Variants in EYA2 observed in about 807,000 individuals in gnomAD.
EYA2 encodes protein phosphatase EYA2.
In EYA2, 31 loss-of-function variants were observed where a neutral mutation model predicts 69.2. That is an observed-to-expected ratio of 0.45 (90% CI 0.34 to 0.60). The LOEUF (loss-of-function observed/expected upper bound fraction) is 0.60. EYA2 is among the 20% of genes least tolerant of loss of function. The pLI, the probability that EYA2 is intolerant of heterozygous loss-of-function variation, is 0.02. For synonymous variants in EYA2, 257 were observed against 279.4 expected (o/e 0.92, Z 0.80); for missense variants, 622 against 701.2 (o/e 0.89, Z 1.28).
intron 9 of EYA2, among the ~76,000 whole-genome samples, chr20:47,124,639 G>A (rs1410415303): frequency 6.6e-6 from 1 of 152,056 alleles, no homozygotes; most frequent in Non-Finnish European, 1.5e-5. Flanking sequence ...AGTGACTCCT[G>A]TTAGGGTGAT....
chr20:46,905,077 A>C (rs921378653), intron 1 of EYA2, among the ~76,000 whole-genome samples: 1 of 152,200 alleles, frequency 6.6e-6, no homozygotes, highest in African/African-American at 2.4e-5. Context: ...TGAGAGTTAT[A>C]AATTAAAAAA....
intron 10 of EYA2, among the ~76,000 whole-genome samples, chr20:47,157,387 T>G: frequency 7.3e-6 from 1 of 137,316 alleles, no homozygotes; most frequent in South Asian, 2.4e-4. Context: ...AAAAGAGTAC[T>G]AAGTATCATA....
At chr20:47,134,534 G>A (rs2033413762) in intron 9 of EYA2, among the ~76,000 whole-genome samples, 1 of 151,520 alleles carries the variant, frequency 6.6e-6, no homozygotes, top group African/African-American at 2.4e-5. Flanking sequence ...TTTTTTACAT[G>A]GTCACAGTAA....
intron 8 of EYA2, among the ~76,000 whole-genome samples, chr20:47,093,053 C>T (rs1343194798): frequency 6.6e-6 from 1 of 152,182 alleles, no homozygotes; most frequent in African/African-American, 2.4e-5. Context: ...GCACTGGAAC[C>T]AGCAAGGGAG....
chr20:46,920,234 TA>T (rs11472988), intron 1 of EYA2, among the ~76,000 whole-genome samples: 11 of 149,296 alleles, frequency 7.4e-5, no homozygotes, highest in African/African-American at 2.2e-4. Context: ...TTAATTTGTT[TA>T]AAAAAAAAAA....
rs542199220 is a variant in EYA2, at chr20:47,089,602, T to G, written c.804+221T>G. ...AGCAGCATCAGAATCACCTGGGGGG[T>G]GGGGGATGGTGCTTTTGAAATCAGG... On this transcript the variant is annotated intron_variant, in intron 8 of 15. Coordinates refer to ENST00000327619, the MANE Select transcript of EYA2 (RefSeq NM_005244.5). Among the ~76,000 whole-genome samples the G allele has an allele frequency of 2.0e-4, 30 of 151,260 alleles. No homozygotes were observed. The South Asian group carries it at 6.3e-3, about 32-fold the overall frequency.
At chr20:47,008,183 T>C (rs1000392335) in intron 4 of EYA2, among the ~76,000 whole-genome samples, 5 of 152,224 alleles carry the variant, frequency 3.3e-5, no homozygotes, top group African/African-American at 1.2e-4. Context: ...GTCACTCACA[T>C]TGGTTTATTT....
intron 10 of EYA2, 83 bp downstream of exon 10, chr20:47,143,231 C>G: frequency 1.7e-6 from 2 of 1,177,752 alleles, no homozygotes; most frequent in South Asian, 3.1e-5. Flanking sequence ...GCTGCCTTTC[C>G]TTTCTTTTTC....
intron 10 of EYA2, among the ~76,000 whole-genome samples, chr20:47,144,352 C>CAAA (rs11304780): frequency 8.6e-6 from 1 of 116,388 alleles, no homozygotes; most frequent in Non-Finnish European, 1.9e-5. Flanking sequence ...AAGACACCAT[C>CAAA]AAAAAAAAAA....
intron 1 of EYA2, among the ~76,000 whole-genome samples, chr20:46,989,554 A>G (rs1404774633): frequency 1.3e-5 from 2 of 152,210 alleles, no homozygotes; most frequent in African/African-American, 2.4e-5. Flanking sequence ...GGCATGTGCC[A>G]CCACACCCGG....
intron 9 of EYA2, among the ~76,000 whole-genome samples, chr20:47,137,306 G>A (rs1490952407): frequency 6.6e-6 from 1 of 152,136 alleles, no homozygotes; most frequent in Non-Finnish European, 1.5e-5. Flanking sequence ...TGCTGGGTTC[G>A]CAGAAACGAT....
chr20:47,060,840 GCT>G (rs1044105821), intron 5 of EYA2, among the ~76,000 whole-genome samples: 4 of 143,344 alleles, frequency 2.8e-5, no homozygotes, highest in Admixed American at 7.1e-5. Context: ...TTCATCAATC[GCT>G]CTCTCTCTCT....
chr20:47,002,962 T>G (rs1197588688), intron 3 of EYA2, among the ~76,000 whole-genome samples: 1 of 152,208 alleles, frequency 6.6e-6, no homozygotes, highest in African/African-American at 2.4e-5. Context: ...ACTTTTGCAT[T>G]CACCTGCTGT....
intron 5 of EYA2, among the ~76,000 whole-genome samples, chr20:47,052,743 C>T (rs552760287): frequency 2.6e-5 from 4 of 151,958 alleles, no homozygotes; most frequent in Non-Finnish European, 5.9e-5. Flanking sequence ...TGCCTCAGCC[C>T]CCAAGTAGCT....
intron 1 of EYA2, among the ~76,000 whole-genome samples, chr20:46,933,536 A>G (rs1473421831): frequency 6.6e-6 from 1 of 152,224 alleles, no homozygotes; most frequent in Non-Finnish European, 1.5e-5. Flanking sequence ...AGGGCCAGAC[A>G]ACAGATGGCA....
intron 2 of EYA2, among the ~76,000 whole-genome samples, chr20:46,997,233 C>T (rs753794750): frequency 7.2e-5 from 11 of 152,158 alleles, no homozygotes; most frequent in Non-Finnish European, 1.5e-4. Flanking sequence ...AAAACTTACT[C>T]ACTATCATGA....
intron 2 of EYA2, among the ~76,000 whole-genome samples, chr20:47,000,341 G>A (rs1600626541): frequency 6.6e-6 from 1 of 152,312 alleles, no homozygotes; most frequent in Middle Eastern, 3.4e-3. Context: ...CAGAGATCTA[G>A]GAACTTGCCT....
intron 1 of EYA2, among the ~76,000 whole-genome samples, chr20:46,915,357 C>T (rs1984855297): frequency 6.6e-6 from 1 of 152,158 alleles, no homozygotes; most frequent in South Asian, 2.1e-4. Flanking sequence ...AAATTATGCC[C>T]CTCTCATGGC....
At chr20:47,036,850 A>C (rs573700825) in intron 5 of EYA2, among the ~76,000 whole-genome samples, 18 of 152,356 alleles carry the variant, frequency 1.2e-4, no homozygotes, top group African/African-American at 4.3e-4. Flanking sequence ...GCCAGTTATC[A>C]ACTATGTGAC....
Sources: gnomAD v4.1 joint callset for allele counts (sites outside exome capture counted in the v4.1 genomes callset) on GRCh38, gnomAD v4.1.1 for gene constraint, MANE v1.5 for transcripts, NCBI Gene and HGNC (gene_info 2026-07-23, HGNC 2026-07-21) for gene names.